The following TSC22D1 variants were observed in gnomAD, a reference collection of about 807,000 sequenced individuals.
TSC22D1 encodes the protein TSC22 domain family member 1.
A neutral mutation model predicts 74.2 loss-of-function variants in TSC22D1; 9 were observed. The observed-to-expected ratio is 0.12, with a 90% CI of 0.07 to 0.21. The LOEUF is 0.21. Among genes scored for constraint, TSC22D1 ranks in the 10% least tolerant of loss-of-function variants. TSC22D1 has a pLI of 1.00. For missense variants in TSC22D1, 1,427 were observed against 1,304.7 expected (o/e 1.09, Z -1.44); for synonymous variants, 586 against 492.5 (o/e 1.19, Z -2.51).
chr13:44,527,778 G>T (rs1017704509), intron 1 of TSC22D1, among the ~76,000 whole-genome samples: 3 of 152,012 alleles, frequency 2.0e-5, no homozygotes, highest in African/African-American at 7.2e-5. Context: ...AACAAGATCC[G>T]ACTGTACACT....
intron 1 of TSC22D1, among the ~76,000 whole-genome samples, chr13:44,510,674 C>T (rs374827668): frequency 6.6e-6 from 1 of 152,112 alleles, no homozygotes; most frequent in Non-Finnish European, 1.5e-5. Context: ...CTCACTACAA[C>T]CTCCACCTCC....
intron 1 of TSC22D1, among the ~76,000 whole-genome samples, chr13:44,473,314 G>A (rs910413687): frequency 6.6e-6 from 1 of 152,106 alleles, no homozygotes; most frequent in South Asian, 2.1e-4. Context: ...GAGCAACATG[G>A]TGAAAACCCA....
At chr13:44,572,849 A>C (rs184470803) in intron 1 of TSC22D1, among the ~76,000 whole-genome samples, 63 of 152,360 alleles carry the variant, frequency 4.1e-4, no homozygotes, top group African/African-American at 1.5e-3. Flanking sequence ...GGTTAGCAAA[A>C]ATTAAGCTTT....
At chr13:44,537,492 G>A (rs1169465789) in intron 1 of TSC22D1, 3 of 984,954 alleles carry the variant, frequency 3.0e-6, no homozygotes, top group African/African-American at 1.7e-5. Context: ...AATCTCACAG[G>A]CCACACAAAG....
At chr13:44,488,068 A>G (rs1878528968) in intron 1 of TSC22D1, among the ~76,000 whole-genome samples, 1 of 152,216 alleles carries the variant, frequency 6.6e-6, no homozygotes, top group Non-Finnish European at 1.5e-5. Context: ...AAAAGAAAAA[A>G]AAAGAAACTT....
intron 1 of TSC22D1, chr13:44,536,960 C>CAAAAACAAAAAA: frequency 3.5e-6 from 2 of 569,932 alleles, no homozygotes; most frequent in Non-Finnish European, 2.0e-6. Context: ...AAAAAAAAAA[C>CAAAAACAAAAAA]AAAAAAAACT....
intron 1 of TSC22D1, among the ~76,000 whole-genome samples, chr13:44,459,760 G>C (rs746848869): frequency 6.0e-4 from 91 of 152,328 alleles, no homozygotes; most frequent in Non-Finnish European, 1.2e-3. Context: ...GCCACTTACA[G>C]TATGCCTGGT....
intron 1 of TSC22D1, among the ~76,000 whole-genome samples, chr13:44,524,046 A>G (rs1026898721): frequency 6.6e-6 from 1 of 152,220 alleles, no homozygotes; most frequent in African/African-American, 2.4e-5. Context: ...TTTCCAGTGC[A>G]TGAAATACTA....
chr13:44,472,166 G>A (rs1332744566), intron 1 of TSC22D1, among the ~76,000 whole-genome samples: 1 of 152,118 alleles, frequency 6.6e-6, no homozygotes, highest in Non-Finnish European at 1.5e-5. Context: ...TATGTATAGG[G>A]AAAAAACATA....
chr13:44,551,389 G>GGTGTGTGGGT (rs1882248430), intron 1 of TSC22D1, among the ~76,000 whole-genome samples: 1 of 125,252 alleles, frequency 8.0e-6, no homozygotes. Flanking sequence ...CAATCAGATG[G>GGTGTGTGGGT]GTGTGTGTGT....
chr13:44,450,471 A>G (rs778203267), intron 1 of TSC22D1, among the ~76,000 whole-genome samples: 4 of 152,230 alleles, frequency 2.6e-5, no homozygotes, highest in Non-Finnish European at 5.9e-5. Context: ...ACCACAATGT[A>G]TAAGACTACA....
Position 44,573,208 on chromosome 13 carries a change from T to C in TSC22D1, c.2867A>G (p.Lys956Arg), listed in dbSNP as rs577348228. The C allele has an allele frequency of 6.2e-7, 1 of 1,614,218 alleles. No homozygotes were observed. The highest frequency in any genetic ancestry group is 1.1e-5 in the South Asian group (1 of 91,090). ...CAGGGGTGTCGTCAGCGGTAGCACC[T>C]TCAACGGGAAAAGAGAAGCAGAGGC... ...LAASASLFPL[K>R]VLPLTTPLVD... The change falls in exon 1 of 3, where the codon AAG (lysine) becomes AGG (arginine). Residue 956 changes from lysine to arginine, a missense_variant. Physicochemically the swap from Lys to Arg is conservative, Grantham distance 26. Around this residue, in one of 3 missense-constraint regions of TSC22D1, gnomAD observed 1,343 missense variants for 1,191.5 expected, o/e 1.13. Transcript: ENST00000458659.
intron 1 of TSC22D1, among the ~76,000 whole-genome samples, chr13:44,518,371 T>C (rs1880153373): frequency 6.6e-6 from 1 of 152,168 alleles, no homozygotes; most frequent in African/African-American, 2.4e-5. Context: ...TTCATTCAGT[T>C]CTAATTATAG....
intron 1 of TSC22D1, among the ~76,000 whole-genome samples, chr13:44,457,537 C>T (rs1034542832): frequency 2.0e-4 from 30 of 150,460 alleles, no homozygotes; most frequent in African/African-American, 7.1e-4. Context: ...AAAAGAAACG[C>T]CTATTGGTAA....
At chr13:44,520,468 G>T (rs1172743813) in intron 1 of TSC22D1, among the ~76,000 whole-genome samples, 1 of 152,146 alleles carries the variant, frequency 6.6e-6, no homozygotes, top group African/African-American at 2.4e-5. Flanking sequence ...GGGGAGGAAT[G>T]GAGAGATTAC....
At chr13:44,436,398 T>A in intron 1 of TSC22D1, 1 of 1,378,858 alleles carries the variant, frequency 7.3e-7, no homozygotes, top group East Asian at 2.3e-5. Flanking sequence ...CATGTCACCA[T>A]AATCTCTCAG....
chr13:44,474,325 C>T (rs537664967), intron 1 of TSC22D1: 83 of 975,668 alleles, frequency 8.5e-5, no homozygotes, highest in Non-Finnish European at 1.0e-4. Context: ...GGTGGACAAA[C>T]AAGTGCTTCA....
In TSC22D1 at chr13:44,549,799, AGGC is replaced by A. The variant is rs77192258; in HGVS notation, c.2912+23361_2912+23363del. ...AAGAAAAAAAAAAAAAAAAAGAAGA[AGGC>A]GGCGGCGGCAAGAACAGCAAGCAAG... is the stretch of plus-strand genomic sequence containing the variant. On this transcript the variant is annotated intron_variant, in intron 1 of 2. Transcript: ENST00000458659. Among the ~76,000 whole-genome samples, 78 of 149,880 alleles carry A rather than the reference AGGC, an allele frequency of 5.2e-4. 1 individual carries two copies. The highest frequency in any genetic ancestry group is 1.4e-3 in the African/African-American group (58 of 40,690).
chr13:44,511,475 AGTT>A (rs1879711882), intron 1 of TSC22D1, among the ~76,000 whole-genome samples: 1 of 152,190 alleles, frequency 6.6e-6, no homozygotes, highest in Non-Finnish European at 1.5e-5. Flanking sequence ...ATCTCAATTA[AGTT>A]GTTGGTACTC....
Sources: gnomAD v4.1 joint callset for allele counts (sites outside exome capture counted in the v4.1 genomes callset) on GRCh38, gnomAD v4.1.1 for gene constraint, gnomAD v4.1.1 regional missense constraint, MANE v1.5 for transcripts, NCBI Gene and HGNC (gene_info 2026-07-23, HGNC 2026-07-21) for gene names.